Variants in PPP2R5C observed in about 807,000 individuals in gnomAD.
PPP2R5C encodes serine/threonine-protein phosphatase 2A 56 kDa regulatory subunit gamma isoform.
In PPP2R5C, 7 loss-of-function variants were observed where a neutral mutation model predicts 68.9. The ratio of observed to expected loss-of-function variants is 0.10; its 90% CI spans 0.06 to 0.19. The LOEUF is 0.19. Ranked by LOEUF, PPP2R5C falls within the 10% of genes least tolerant of loss-of-function variation. The pLI, the probability that PPP2R5C is intolerant of heterozygous loss-of-function variation, is 1.00. For synonymous variants in PPP2R5C, 210 were observed against 222.2 expected, an observed-to-expected ratio of 0.95 and a Z score of 0.49; for missense variants, 348 against 641.3, an observed-to-expected ratio of 0.54 and a Z score of 4.94.
chr14:101,774,087 C>T (rs904900670), intron 2 of PPP2R5C, among the ~76,000 whole-genome samples: 8 of 152,110 alleles, frequency 5.3e-5, no homozygotes, highest in African/African-American at 9.7e-5. Flanking sequence ...TATGTGGGAA[C>T]GAGGGGCAAG....
intron 3 of PPP2R5C, among the ~76,000 whole-genome samples, chr14:101,795,895 T>C (rs993842691): frequency 2.0e-5 from 3 of 152,178 alleles, no homozygotes; most frequent in African/African-American, 7.2e-5. Context: ...CAATGTCAGC[T>C]CACTGCAGCC....
At chr14:101,816,260 CCT>C (rs1461272561) in intron 1 of PPP2R5C, among the ~76,000 whole-genome samples, 1 of 152,150 alleles carries the variant, frequency 6.6e-6, no homozygotes, top group African/African-American at 2.4e-5. Flanking sequence ...GTTTCCGCTC[CCT>C]GTCACACTGG....
Position 101,765,225 on chromosome 14 carries a change from A to T in PPP2R5C, c.93+2255A>T, listed in dbSNP as rs1301238166. On this transcript the variant is annotated intron_variant, in intron 2 of 14. Coordinates refer to the PPP2R5C transcript ENST00000328724. ...AAAACACTGAAATGTTGGGCCCTTC[A>T]CTGCTTCCTCATAAGGATACCAGAG... 5.7e-6 allele frequency: 4 copies of T among 702,820 alleles called. No individual in the cohort carries two copies. The Admixed American group carries it at 6.0e-5, about 11-fold the overall frequency. 43.5% of individuals were successfully genotyped at this position (702,820 alleles called of 1,614,324 possible).
chr14:101,900,335 TA>T (rs1473989368), intron 8 of PPP2R5C, among the ~76,000 whole-genome samples: 1 of 152,218 alleles, frequency 6.6e-6, no homozygotes, highest in Non-Finnish European at 1.5e-5. Flanking sequence ...CTGTAATGAC[TA>T]AAAGGCTGGC....
intron 2 of PPP2R5C, among the ~76,000 whole-genome samples, chr14:101,864,712 C>T (rs931126248): frequency 3.3e-5 from 5 of 152,112 alleles, no homozygotes; most frequent in Admixed American, 1.3e-4. Flanking sequence ...TCCTCTAAAG[C>T]CCAAAGACTA....
At chr14:101,896,706 T>A (rs2045359178) in intron 8 of PPP2R5C, among the ~76,000 whole-genome samples, 1 of 152,108 alleles carries the variant, frequency 6.6e-6, no homozygotes, top group African/African-American at 2.4e-5. Flanking sequence ...GCCCATTTTT[T>A]ACATTGGAGT....
chr14:101,898,681 G>A (rs569100871), intron 8 of PPP2R5C, among the ~76,000 whole-genome samples: 57 of 152,240 alleles, frequency 3.7e-4, no homozygotes, highest in Non-Finnish European at 6.5e-4. Context: ...CCTAGGCCCC[G>A]ATGTTCCCAC....
exon 9 of PPP2R5C, chr14:101,901,756 A>G: frequency 2.5e-6 from 4 of 1,614,008 alleles, no homozygotes; most frequent in Non-Finnish European, 2.5e-6. Flanking sequence ...CCAAAGACTC[A>G]CAGTCCAAAA....
chr14:101,768,645 T>G (rs1370027444), intron 2 of PPP2R5C, among the ~76,000 whole-genome samples: 1 of 152,090 alleles, frequency 6.6e-6, no homozygotes, highest in Non-Finnish European at 1.5e-5. Context: ...GTGTAGCCTG[T>G]GAAAAACTCC....
chr14:101,857,621 C>A (rs1454979901), intron 2 of PPP2R5C, among the ~76,000 whole-genome samples: 1 of 152,202 alleles, frequency 6.6e-6, no homozygotes, highest in Non-Finnish European at 1.5e-5. Context: ...CTTTACAGCC[C>A]ATTCCTCAGT....
chr14:101,849,750 A>G (rs2042042434), intron 1 of PPP2R5C, among the ~76,000 whole-genome samples: 1 of 102,530 alleles, frequency 9.8e-6, no homozygotes, highest in Non-Finnish European at 2.2e-5. Context: ...GTCCCTGTGT[A>G]CCTAGTTGTC....
intron 2 of PPP2R5C, among the ~76,000 whole-genome samples, chr14:101,870,502 C>T (rs1416061046): frequency 6.6e-6 from 1 of 152,128 alleles, no homozygotes; most frequent in African/African-American, 2.4e-5. Flanking sequence ...TGTCCTGTCG[C>T]GTGTTTGTGT....
chr14:101,767,536 C>T (rs1039917238), intron 2 of PPP2R5C, among the ~76,000 whole-genome samples: 1 of 722 alleles, frequency 1.4e-3, no homozygotes. Context: ...TCGCTAGAAC[C>T]TCCCTATGCC....
chr14:101,922,656 G>GAA (rs60017998), intron 13 of PPP2R5C, among the ~76,000 whole-genome samples: 2 of 128,858 alleles, frequency 1.6e-5, no homozygotes, highest in Admixed American at 7.8e-5. Context: ...TCTAGAAAAA[G>GAA]AAAAAAAAAA....
rs747139011 is a variant in PPP2R5C at position 101,879,175 on chromosome 14, C to G, written c.295-2986C>G. On this transcript the variant is annotated intron_variant, in intron 2 of 13. Coordinates refer to ENST00000334743, the Ensembl canonical transcript of PPP2R5C. This position sits in a 1 kb window ranked among gnomAD's most constrained non-coding sequence, Gnocchi z 4.2. Reference sequence around the variant, plus strand: ...CTCCGAGCCCCTCTTGCCCGCCCTCCCCCGGGGCTTTGAGCAGAACCCAGA... The same window carrying G: ...CTCCGAGCCCCTCTTGCCCGCCCTCGCCCGGGGCTTTGAGCAGAACCCAGA... 6.8e-6 allele frequency: 1 copy of G among 146,252 alleles called. No individual in the cohort carries two copies. The highest frequency in any genetic ancestry group is 1.5e-5 in the Non-Finnish European group (1 of 65,846). 9.1% of individuals were successfully genotyped at this position (146,252 alleles called of 1,614,324 possible).
rs1595555379 is a variant in PPP2R5C, at chr14:101,917,730, C to T, written c.1327-101C>T. ...TGAGTGGGCTTCCTGCGGGAGAGGG[C>T]CCTGGGGGGCGGCAGGGGAGATGAG... On this transcript the variant is annotated intron_variant, in intron 12 of 13. Transcript: ENST00000334743. The surrounding 1 kb of genome is among the most constrained non-coding windows in gnomAD (Gnocchi z 4.4). 3 of 1,535,060 alleles carry T rather than the reference C, an allele frequency of 2.0e-6. No individual in the cohort carries two copies. The highest frequency in any genetic ancestry group is 2.3e-5 in the East Asian group (1 of 43,938).
At chr14:101,787,565 C>A (rs1051899974) in intron 3 of PPP2R5C, among the ~76,000 whole-genome samples, 7 of 150,912 alleles carry the variant, frequency 4.6e-5, no homozygotes, top group Admixed American at 4.0e-4. Context: ...AGATCAAGAC[C>A]ATCCTGGCTA....
At chr14:101,862,677 G>T (rs1004868246) in intron 2 of PPP2R5C, among the ~76,000 whole-genome samples, 1 of 152,106 alleles carries the variant, frequency 6.6e-6, no homozygotes, top group African/African-American at 2.4e-5. Flanking sequence ...AAGCAGATAT[G>T]ATAATCTAGC....
At chr14:101,813,984 T>C (rs964529527) in intron 1 of PPP2R5C, among the ~76,000 whole-genome samples, 4 of 152,172 alleles carry the variant, frequency 2.6e-5, no homozygotes, top group Admixed American at 1.3e-4. Flanking sequence ...CTCAAACCCA[T>C]GGCTTTCATT....
Sources: gnomAD v4.1 joint callset for allele counts (sites outside exome capture counted in the v4.1 genomes callset) on GRCh38, gnomAD v4.1.1 for gene constraint, Gnocchi (gnomAD v3.1) non-coding constraint, MANE v1.5 for transcripts, NCBI Gene and HGNC (gene_info 2026-07-23, HGNC 2026-07-21) for gene names.